GOLPH3L: variants seen among roughly 807,000 people sequenced by gnomAD.
GOLPH3L encodes the protein Golgi phosphoprotein 3-like.
A neutral mutation model predicts 30.3 loss-of-function variants in GOLPH3L; 22 were observed. The ratio of observed to expected loss-of-function variants is 0.73; its 90% CI spans 0.52 to 1.04. GOLPH3L has a LOEUF of 1.04. Among genes scored for constraint, GOLPH3L ranks in the 50% least tolerant of loss-of-function variants. The pLI, the probability that GOLPH3L is intolerant of heterozygous loss-of-function variation, is 0.00. For missense variants in GOLPH3L, 303 were observed against 345.8 expected (o/e 0.88, Z 0.98); for synonymous variants, 120 against 128.2 (o/e 0.94, Z 0.43).
At chr1:150,679,517 G>A (rs766628680) in intron 2 of GOLPH3L, among the ~76,000 whole-genome samples, 2 of 152,120 alleles carry the variant, frequency 1.3e-5, no homozygotes, top group Non-Finnish European at 2.9e-5. Flanking sequence ...TAATAAAAAG[G>A]GCTGGGCGCA....
chr1:150,695,111 C>T (rs1320112970), intron 1 of GOLPH3L, among the ~76,000 whole-genome samples: 2 of 152,094 alleles, frequency 1.3e-5, no homozygotes, highest in Non-Finnish European at 2.9e-5. Context: ...GCTCATCTTT[C>T]AAGCCTGTTG....
At chr1:150,678,283 TCAAAAAAAAAAAA>T (rs1389230817) in intron 2 of GOLPH3L, among the ~76,000 whole-genome samples, 3 of 12,728 alleles carry the variant, frequency 2.4e-4, no homozygotes, top group African/African-American at 9.4e-4. Context: ...AAACTCCGTC[TCAAAAAAAAAAAA>T]AAAAAAAAAA....
At chr1:150,669,605 C>T (rs1650594887) in intron 2 of GOLPH3L, among the ~76,000 whole-genome samples, 1 of 152,130 alleles carries the variant, frequency 6.6e-6, no homozygotes, top group Admixed American at 6.6e-5. Context: ...TGCACATTGT[C>T]TCATGGCTAA....
Position 150,675,812 on chromosome 1 carries a change from TGAG to T in GOLPH3L, c.184-12052_184-12050del, listed in dbSNP as rs1027678626. ...AAAAAAAAAAAAAAAAAAAAAGTAT[TGAG>T]GAGTAGAGATAGAAGAAACTGCGAA... is the stretch of plus-strand genomic sequence containing the variant. On this transcript the variant is annotated intron_variant, in intron 2 of 4. Transcript: ENST00000271732. 5.6e-5 allele frequency among the ~76,000 whole-genome samples: 8 copies of T among 143,892 alleles called. No homozygotes were observed. In the East Asian group the frequency reaches 1.2e-3, roughly 22 times the overall value. 94.4% of individuals were successfully genotyped at this position (143,892 alleles called of 152,430 possible).
At chr1:150,690,500 A>C (rs587774990) in intron 2 of GOLPH3L, among the ~76,000 whole-genome samples, 2 of 152,296 alleles carry the variant, frequency 1.3e-5, no homozygotes, top group East Asian at 3.9e-4. Flanking sequence ...TTAAGCCCTT[A>C]ATTTGGACAC....
intron 2 of GOLPH3L, among the ~76,000 whole-genome samples, chr1:150,685,394 AT>A (rs1451427640): frequency 1.1e-4 from 17 of 152,208 alleles, no homozygotes; most frequent in Non-Finnish European, 2.2e-4. Flanking sequence ...ATAATCTTTT[AT>A]CTTAATAGGA....
At chr1:150,650,229 C>T (rs1650074761) in intron 4 of GOLPH3L, among the ~76,000 whole-genome samples, 1 of 152,110 alleles carries the variant, frequency 6.6e-6, no homozygotes, top group Non-Finnish European at 1.5e-5. Context: ...TTAAGCACAA[C>T]CTTTGACTAA....
chr1:150,673,542 G>T (rs1035534970), intron 2 of GOLPH3L, among the ~76,000 whole-genome samples: 1 of 151,530 alleles, frequency 6.6e-6, no homozygotes. Context: ...CTCCAGCCCG[G>T]GTGACAGTGC....
At chr1:150,679,403 G>A (rs1283170796) in intron 2 of GOLPH3L, among the ~76,000 whole-genome samples, 1 of 152,196 alleles carries the variant, frequency 6.6e-6, no homozygotes, top group African/African-American at 2.4e-5. Flanking sequence ...AGACATTTAA[G>A]TTCCTCACCT....
intron 4 of GOLPH3L, among the ~76,000 whole-genome samples, chr1:150,656,510 CTAA>C (rs1650243668): frequency 6.6e-6 from 1 of 152,116 alleles, no homozygotes; most frequent in African/African-American, 2.4e-5. Context: ...GTCCATAAAG[CTAA>C]AACAAATAGA....
intron 4 of GOLPH3L, among the ~76,000 whole-genome samples, chr1:150,653,661 G>A (rs1367467702): frequency 1.3e-5 from 2 of 151,678 alleles, no homozygotes; most frequent in African/African-American, 2.4e-5. Flanking sequence ...TCTCACTGTT[G>A]ACCAGGCTAG....
chr1:150,670,400 A>T (rs1650615786), intron 2 of GOLPH3L, among the ~76,000 whole-genome samples: 1 of 152,158 alleles, frequency 6.6e-6, no homozygotes, highest in Non-Finnish European at 1.5e-5. Flanking sequence ...GATCGAGACC[A>T]TCCTGGCTAA....
chr1:150,685,225 C>T (rs1651053526), intron 2 of GOLPH3L, among the ~76,000 whole-genome samples: 1 of 152,052 alleles, frequency 6.6e-6, no homozygotes, highest in Non-Finnish European at 1.5e-5. Flanking sequence ...TAGTATTTTC[C>T]CTTTTTCTGA....
intron 2 of GOLPH3L, among the ~76,000 whole-genome samples, chr1:150,676,718 A>C (rs1343575711): frequency 6.9e-6 from 1 of 144,142 alleles, no homozygotes; most frequent in Admixed American, 7.4e-5. Flanking sequence ...ATCTTGGCTC[A>C]CTGCAACCTC....
intron 2 of GOLPH3L, among the ~76,000 whole-genome samples, chr1:150,691,376 C>T (rs975009710): frequency 6.6e-6 from 1 of 151,942 alleles, no homozygotes; most frequent in Non-Finnish European, 1.5e-5. Flanking sequence ...ATTAGCCAGG[C>T]ATGGTGGCGG....
intron 2 of GOLPH3L, among the ~76,000 whole-genome samples, chr1:150,666,629 GC>G (rs1394907948): frequency 1.3e-4 from 20 of 152,082 alleles, no homozygotes; most frequent in African/African-American, 4.8e-4. Context: ...TGAGCCACCA[GC>G]CTGGCCTTTG....
chr1:150,666,441 T>G (rs990841767), intron 2 of GOLPH3L, among the ~76,000 whole-genome samples: 3 of 152,048 alleles, frequency 2.0e-5, no homozygotes, highest in Non-Finnish European at 4.4e-5. Flanking sequence ...GTCTCCCAGG[T>G]TCAAGCAATT....
chr1:150,694,715 T>C lies in GOLPH3L; in HGVS notation c.124A>G (p.Lys42Glu). ...TCCATAAGAGTAAGGCGGATATCCTTAGAGTCTCCAGAATCTTCATTGTCT... is the reference window on the plus strand; with the variant it reads ...TCCATAAGAGTAAGGCGGATATCCTCAGAGTCTCCAGAATCTTCATTGTCT... The part of the protein sequence containing the change: ...SPDNEDSGDS[K>E]DIRLTLMEEV... The change falls in exon 2 of 5, where the codon AAG becomes GAG. Residue 42 changes from lysine to glutamate, a missense_variant. Transcript: ENST00000271732. The C allele has an allele frequency of 6.2e-6, 10 of 1,611,704 alleles. No homozygotes were observed. Among genetic ancestry groups the C allele is most frequent in the Non-Finnish European group, 8.5e-6 (10 of 1,177,856 alleles).
chr1:150,658,455 T>C (rs1295273482), intron 4 of GOLPH3L, among the ~76,000 whole-genome samples: 1 of 152,208 alleles, frequency 6.6e-6, no homozygotes, highest in African/African-American at 2.4e-5. Flanking sequence ...CAGTTACACA[T>C]GCTTTCTGAC....
Sources: gnomAD v4.1 joint callset for allele counts (sites outside exome capture counted in the v4.1 genomes callset) on GRCh38, gnomAD v4.1.1 for gene constraint, MANE v1.5 for transcripts, NCBI Gene and HGNC (gene_info 2026-07-23, HGNC 2026-07-21) for gene names.